Variants in LANCL1 observed in about 807,000 individuals in gnomAD.
LANCL1 encodes the protein glutathione S-transferase LANCL1.
A neutral mutation model predicts 50.6 loss-of-function variants in LANCL1; 50 were observed. The observed-to-expected ratio is 0.99, with a 90% CI of 0.79 to 1.25. The LOEUF is 1.25. Among genes scored for constraint, LANCL1 ranks in the 50% most tolerant of loss-of-function variants. LANCL1 has a pLI of 0.00. For missense variants in LANCL1, 532 were observed against 480.7 expected (o/e 1.11, Z -1.00); for synonymous variants, 188 against 178.6 (o/e 1.05, Z -0.42).
rs1363848765 is a variant in LANCL1, at chr2:210,433,649, T to TA, written c.*837dup. ...TCCTAGGTTAAAGCATATTCATACA[T>TA]AGAAAATTGGCTTCCTGATCTTATT... On this transcript the variant is annotated 3_prime_UTR_variant, in exon 10 of 10. Transcript: ENST00000450366. The TA allele has an allele frequency of 3.3e-5, 5 of 152,286 alleles. No homozygotes were observed. Among genetic ancestry groups the TA allele is most frequent in the Non-Finnish European group, 2.9e-5 (2 of 67,992 alleles). The allele number at this position is 152,286 out of a possible 1,614,324, so 9.4% of individuals were successfully genotyped here. A position where few individuals can be genotyped will look rare whatever the true frequency, so the allele number is the denominator to read the frequency against.
chr2:210,466,350 C>T (rs535134461), intron 3 of LANCL1, among the ~76,000 whole-genome samples: 2 of 152,114 alleles, frequency 1.3e-5, no homozygotes, highest in Non-Finnish European at 2.9e-5. Context: ...ATGGAGTACA[C>T]TGTGGAGATA....
In LANCL1 at chr2:210,434,407, GA is replaced by G; in HGVS notation, c.*79del. On this transcript the variant is annotated 3_prime_UTR_variant, in exon 10 of 10. Coordinates refer to ENST00000450366, the MANE Select transcript of LANCL1 (RefSeq NM_006055.3). ...CACAGTTTGACTCTTTGTTTCCTTG[GA>G]AAGCAACGGAAGCACTTAGCTTGGG... 1 of 1,044,252 alleles carries G rather than the reference GA, an allele frequency of 9.6e-7. No homozygotes were observed. The highest frequency in any genetic ancestry group is 1.6e-5 in the South Asian group (1 of 61,662). The allele number at this position is 1,044,252 out of a possible 1,614,324, so 64.7% of individuals were successfully genotyped here. A position where few individuals can be genotyped will look rare whatever the true frequency, so the allele number is the denominator to read the frequency against.
chr2:210,456,749 G>A (rs3856339), intron 3 of LANCL1, among the ~76,000 whole-genome samples: 96,293 of 151,956 alleles, frequency 0.63, 31,419 homozygotes, highest in East Asian at 0.82. Context: ...AACTCTCCTA[G>A]TTAAGTTATG....
At chr2:210,438,247 G>A (rs1425637257) in intron 6 of LANCL1, among the ~76,000 whole-genome samples, 1 of 148,510 alleles carries the variant, frequency 6.7e-6, no homozygotes, top group African/African-American at 2.5e-5. Context: ...TGATTGTCCT[G>A]TCTCAGCCTC....
In LANCL1 at chr2:210,441,345, A is replaced by G. The variant is rs777424110; in HGVS notation, c.506T>C (p.Phe169Ser). 2.5e-6 allele frequency: 4 copies of G among 1,613,246 alleles called. No homozygotes were observed. The highest frequency in any genetic ancestry group is 3.3e-5 in the Admixed American group (2 of 59,982). ...GCTTTGAGGAATCTTTTCCACTCCA[A>G]AGTTCTTATTGACAAAAAGAAGAGC... is the stretch of plus-strand genomic sequence containing the variant. ...IYALLFVNKN[F>S]GVEKIPQSHI... Residue 169 changes from phenylalanine to serine, a missense_variant, in exon 5 of 10, where the codon TTT (phenylalanine) becomes TCT (serine). Phe to Ser is a radical substitution (Grantham distance 155). Coordinates refer to ENST00000450366, the MANE Select transcript of LANCL1 (RefSeq NM_006055.3).
At position 210,476,345 on chromosome 2, in the gene LANCL1, C is replaced by T. The variant is rs1261139367; in HGVS notation, c.52G>A (p.Ala18Thr). The stretch of plus-strand genomic sequence containing the variant: ...CCGGCAGCATCAAAGTAGCCTTCGG[C>T]CAGGGATTTGTTATAATCAGCATAA... ...NPYADYNKSL[A>T]EGYFDAAGRL... The change falls in exon 2 of 10, where the codon GCC (alanine) becomes ACC (threonine). Residue 18 changes from alanine (A) to threonine (T), a missense_variant. Physicochemically the swap from Ala to Thr is moderately conservative, Grantham distance 58. Coordinates refer to ENST00000450366, the MANE Select transcript of LANCL1 (RefSeq NM_006055.3). The T allele has an allele frequency of 4.3e-6, 7 of 1,614,028 alleles. No individual in the cohort carries two copies. The highest frequency in any genetic ancestry group is 4.2e-6 in the Non-Finnish European group (5 of 1,179,952).
In LANCL1 at chr2:210,431,958, C is replaced by A. The variant is rs1434544250; in HGVS notation, c.*2529G>T. On this transcript the variant is annotated 3_prime_UTR_variant, in exon 10 of 10. Transcript: ENST00000450366. ...ATGAACACTGCTTGATGACCTTTGA[C>A]AACCTTTGAAGGTTTTATTACCTAG... The A allele has an allele frequency of 6.6e-6, 1 of 152,180 alleles. No homozygotes were observed. The highest frequency in any genetic ancestry group is 2.4e-5 in the African/African-American group (1 of 41,450). 9.4% of individuals were successfully genotyped at this position (152,180 alleles called of 1,614,324 possible). A position where few individuals can be genotyped will look rare whatever the true frequency, so the allele number is the denominator to read the frequency against.
intron 3 of LANCL1, among the ~76,000 whole-genome samples, chr2:210,464,907 A>C (rs1693994338): frequency 6.6e-6 from 1 of 150,452 alleles, no homozygotes; most frequent in African/African-American, 2.5e-5. Flanking sequence ...CGGAGCTTGC[A>C]GTGAGCCGAG....
At chr2:210,441,146 G>T (rs1005737574) in intron 5 of LANCL1, among the ~76,000 whole-genome samples, 162 bp downstream of exon 5, 6 of 152,136 alleles carry the variant, frequency 3.9e-5, no homozygotes, top group African/African-American at 9.7e-5. Flanking sequence ...ACAGCACTCC[G>T]TAGAAAGCTA....
intron 4 of LANCL1, among the ~76,000 whole-genome samples, chr2:210,446,916 A>C (rs1693354372): frequency 6.6e-6 from 1 of 152,192 alleles, no homozygotes; most frequent in South Asian, 2.1e-4. Flanking sequence ...ACCAAGTTGG[A>C]AACACTCTTC....
At chr2:210,436,084 G>A in intron 8 of LANCL1, 132 bp downstream of exon 8, 1 of 682,312 alleles carries the variant, frequency 1.5e-6, no homozygotes. Flanking sequence ...TGTCATTTTA[G>A]TAGACCATGT....
At chr2:210,473,720 C>T (rs1694284387) in intron 2 of LANCL1, among the ~76,000 whole-genome samples, 1 of 152,194 alleles carries the variant, frequency 6.6e-6, no homozygotes, top group Non-Finnish European at 1.5e-5. Context: ...GCAAATCAGA[C>T]TTTCAACCAC....
At chr2:210,464,999 G>A (rs1020375691) in intron 3 of LANCL1, among the ~76,000 whole-genome samples, 9 of 131,934 alleles carry the variant, frequency 6.8e-5, no homozygotes, top group Non-Finnish European at 1.5e-4. Flanking sequence ...AAACTTATGC[G>A]TACAGACTGT....
intron 5 of LANCL1, 74 bp from the exon 6 acceptor site, chr2:210,440,818 T>G: frequency 7.2e-7 from 1 of 1,381,390 alleles, no homozygotes; most frequent in Non-Finnish European, 9.9e-7. Flanking sequence ...AAGACTTTTT[T>G]GCTAAGAGGT....
At position 210,454,020 on chromosome 2, in the gene LANCL1, G is replaced by A. The variant is rs937997943; in HGVS notation, c.407+1087C>T. 7.2e-5 allele frequency among the ~76,000 whole-genome samples: 11 copies of A among 152,006 alleles called. 1 individual carries two copies. Among genetic ancestry groups the A allele is most frequent in the African/African-American group, 2.7e-4 (11 of 41,360 alleles). ...TCTAGCCCCTAAGAAATGTAGCATA[G>A]GCATGTATTTAAAAAAAGGTGTTTT... is the stretch of plus-strand genomic sequence containing the variant. On this transcript the variant is annotated intron_variant, in intron 4 of 9. Transcript: ENST00000450366.
At chr2:210,452,881 G>A (rs1693551587) in intron 4 of LANCL1, among the ~76,000 whole-genome samples, 1 of 151,976 alleles carries the variant, frequency 6.6e-6, no homozygotes, top group African/African-American at 2.4e-5. Flanking sequence ...TGTGAGCGTG[G>A]GATCTCAAAA....
chr2:210,436,518 C>T, intron 7 of LANCL1, 126 bp from the exon 8 acceptor site: 1 of 865,062 alleles, frequency 1.2e-6, no homozygotes, highest in Non-Finnish European at 1.8e-6. Flanking sequence ...GATTTAGTGA[C>T]AGAGGGATGT....
chr2:210,459,373 C>A (rs1040073794), intron 3 of LANCL1, among the ~76,000 whole-genome samples: 2 of 152,086 alleles, frequency 1.3e-5, no homozygotes, highest in African/African-American at 4.8e-5. Flanking sequence ...ATCTACACAT[C>A]CAGATGTATA....
rs1399834688 is a variant in LANCL1 at position 210,436,407 on chromosome 2, G to A, written c.874-15C>T. 1 of 1,611,302 alleles carries A rather than the reference G, an allele frequency of 6.2e-7. No homozygotes were observed. The highest frequency in any genetic ancestry group is 1.7e-5 in the Admixed American group (1 of 59,996). ...TCTCTGAATACCTGCAGAGGCAAAG[G>A]ACACATTTTATTATACGGGATATAA... On this transcript the variant is annotated splice_polypyrimidine_tract_variant and intron_variant, in intron 7 of 9. Coordinates refer to ENST00000450366, the MANE Select transcript of LANCL1 (RefSeq NM_006055.3).
Sources: allele counts gnomAD v4.1 joint callset (sites outside exome capture counted in the v4.1 genomes callset), GRCh38; gene constraint gnomAD v4.1.1; transcripts MANE v1.5; gene names NCBI Gene and HGNC (gene_info 2026-07-23, HGNC 2026-07-21).